ADAMTSL1: variants seen among roughly 807,000 people sequenced by gnomAD.
ADAMTSL1 encodes ADAMTS-like protein 1.
Under a neutral mutation model 201.8 loss-of-function variants are expected in ADAMTSL1, and 126 were observed. The observed-to-expected ratio is 0.62, with a 90% CI of 0.54 to 0.72. The LOEUF (loss-of-function observed/expected upper bound fraction) is 0.72, where lower values mean the gene tolerates loss of function less well. ADAMTSL1 is among the 30% of genes least tolerant of loss of function. The probability of loss-of-function intolerance (pLI) is 0.00; values close to 1 mark genes in which losing one functional copy is unlikely to be tolerated. For synonymous variants in ADAMTSL1, 1,121 were observed against 903.4 expected, an observed-to-expected ratio of 1.24 and a Z score of -4.32; for missense variants, 2,679 against 2,277.8, an observed-to-expected ratio of 1.18 and a Z score of -3.59.
intron 2 of ADAMTSL1, among the ~76,000 whole-genome samples, chr9:18,244,035 C>T (rs1192193129): frequency 1.3e-5 from 2 of 151,912 alleles, no homozygotes; most frequent in Non-Finnish European, 2.9e-5. Context: ...ACTGCTACTA[C>T]CCCAGATAAG....
chr9:18,800,105 G>A (rs763403037), intron 20 of ADAMTSL1, among the ~76,000 whole-genome samples: 5 of 152,100 alleles, frequency 3.3e-5, no homozygotes, highest in Admixed American at 6.5e-5. Flanking sequence ...GCCCAGGCAC[G>A]GTGGCTCATG....
At chr9:18,011,744 C>G (rs1318042570) in intron 1 of ADAMTSL1, among the ~76,000 whole-genome samples, 2 of 151,868 alleles carry the variant, frequency 1.3e-5, no homozygotes. Context: ...AAATCCAAAG[C>G]CTAAAGGGGT....
At chr9:18,641,908 G>A (rs1352850096) in intron 7 of ADAMTSL1, among the ~76,000 whole-genome samples, 1 of 151,862 alleles carries the variant, frequency 6.6e-6, no homozygotes, top group Non-Finnish European at 1.5e-5. Context: ...TAATACATAT[G>A]TATAGTTGAT....
intron 9 of ADAMTSL1, among the ~76,000 whole-genome samples, chr9:18,670,667 C>T (rs1829755286): frequency 6.6e-6 from 1 of 152,204 alleles, no homozygotes; most frequent in Non-Finnish European, 1.5e-5. Context: ...CTTGCCTTTG[C>T]ATCTGCACAC....
At chr9:18,860,577 C>CTT (rs1827150782) in intron 23 of ADAMTSL1, among the ~76,000 whole-genome samples, 1 of 151,940 alleles carries the variant, frequency 6.6e-6, no homozygotes, top group Admixed American at 6.6e-5. Context: ...CTTTTGACTA[C>CTT]TTTGTTTTTA....
At chr9:18,365,496 C>A (rs1836727579) in intron 2 of ADAMTSL1, among the ~76,000 whole-genome samples, 1 of 152,056 alleles carries the variant, frequency 6.6e-6, no homozygotes, top group Admixed American at 6.6e-5. Context: ...CACAGGTGTT[C>A]ATTTTTTAAA....
intron 2 of ADAMTSL1, among the ~76,000 whole-genome samples, chr9:18,185,568 T>G (rs1206010453): frequency 6.6e-6 from 1 of 152,176 alleles, no homozygotes; most frequent in Non-Finnish European, 1.5e-5. Context: ...ACAATTGGTT[T>G]CTTAAACTAT....
At chr9:18,733,015 T>A (rs1818301994) in intron 15 of ADAMTSL1, among the ~76,000 whole-genome samples, 2 of 152,198 alleles carry the variant, frequency 1.3e-5, no homozygotes, top group African/African-American at 4.8e-5. Flanking sequence ...AACTAGCCAG[T>A]GGCAGGTCCA....
At chr9:18,805,147 T>G (rs1480810428) in intron 20 of ADAMTSL1, among the ~76,000 whole-genome samples, 1 of 152,186 alleles carries the variant, frequency 6.6e-6, no homozygotes, top group African/African-American at 2.4e-5. Flanking sequence ...TTCCTAGCAT[T>G]TCTAGAAGTG....
intron 15 of ADAMTSL1, among the ~76,000 whole-genome samples, chr9:18,731,217 A>G (rs1818198142): frequency 6.6e-6 from 1 of 152,236 alleles, no homozygotes; most frequent in African/African-American, 2.4e-5. Context: ...AAAAAAAGAA[A>G]TATCATAGGG....
intron 4 of ADAMTSL1, among the ~76,000 whole-genome samples, chr9:18,620,020 T>A (rs924739603): frequency 1.4e-4 from 17 of 123,540 alleles, no homozygotes; most frequent in Non-Finnish European, 1.9e-4. Context: ...TTCTGATTTT[T>A]TTTTTTTTTT....
intron 2 of ADAMTSL1, among the ~76,000 whole-genome samples, chr9:18,370,746 A>G (rs1837009394): frequency 6.6e-6 from 1 of 151,194 alleles, no homozygotes; most frequent in Admixed American, 6.6e-5. Flanking sequence ...TCATTCCAGC[A>G]ATGCCAATTA....
At chr9:18,184,554 T>C (rs953839789) in intron 2 of ADAMTSL1, among the ~76,000 whole-genome samples, 1 of 152,212 alleles carries the variant, frequency 6.6e-6, no homozygotes, top group Non-Finnish European at 1.5e-5. Context: ...ATTTTGCCTG[T>C]TGTCATTGGA....
chr9:18,009,987 C>G (rs1454225125), intron 1 of ADAMTSL1, among the ~76,000 whole-genome samples: 1 of 151,960 alleles, frequency 6.6e-6, no homozygotes, highest in Non-Finnish European at 1.5e-5. Flanking sequence ...TCAGAAGAAA[C>G]TTCGAACCCA....
At chr9:18,572,185 A>C (rs1822362173) in intron 3 of ADAMTSL1, among the ~76,000 whole-genome samples, 1 of 148,552 alleles carries the variant, frequency 6.7e-6, no homozygotes. Flanking sequence ...ACAGAGCGAG[A>C]CTCCTTGTCA....
chr9:18,689,895 G>A (rs1330150353), intron 13 of ADAMTSL1, among the ~76,000 whole-genome samples: 1 of 152,214 alleles, frequency 6.6e-6, no homozygotes, highest in African/African-American at 2.4e-5. Context: ...TAGATTTTCA[G>A]TCAACGGCTT....
chr9:18,013,209 A>G (rs1820126050), intron 1 of ADAMTSL1, among the ~76,000 whole-genome samples: 1 of 152,060 alleles, frequency 6.6e-6, no homozygotes, highest in Non-Finnish European at 1.5e-5. Context: ...TTACATGTGC[A>G]GCTTCTTATA....
intron 24 of ADAMTSL1, among the ~76,000 whole-genome samples, chr9:18,888,780 G>A (rs147358849): frequency 2.9e-3 from 446 of 152,114 alleles, no homozygotes; most frequent in Non-Finnish European, 3.8e-3. Context: ...GTGCCAATAC[G>A]GCACAAAAAG....
intron 1 of ADAMTSL1, among the ~76,000 whole-genome samples, chr9:18,085,568 CATAT>C (rs1338904786): frequency 2.8e-5 from 4 of 144,190 alleles, no homozygotes; most frequent in East Asian, 2.1e-4. Flanking sequence ...TGTGTGTATA[CATAT>C]ATACACACTG....
Sources: gnomAD v4.1 joint callset for allele counts (sites outside exome capture counted in the v4.1 genomes callset) on GRCh38, gnomAD v4.1.1 for gene constraint, MANE v1.5 for transcripts, NCBI Gene and HGNC (gene_info 2026-07-23, HGNC 2026-07-21) for gene names.